The following ASIC4 variants were observed in gnomAD, a reference collection of about 807,000 sequenced individuals.
The protein encoded by ASIC4 is acid-sensing ion channel 4.
Under a neutral mutation model 53.4 loss-of-function variants are expected in ASIC4, and 28 were observed. That is an observed-to-expected ratio of 0.52 (90% CI 0.39 to 0.72). The LOEUF (loss-of-function observed/expected upper bound fraction) is 0.72, where lower values mean the gene tolerates loss of function less well. ASIC4 is among the 30% of genes least tolerant of loss of function. The probability of loss-of-function intolerance (pLI) is 0.00; values close to 1 mark genes in which losing one functional copy is unlikely to be tolerated. For missense variants in ASIC4, 649 were observed against 729.7 expected (o/e 0.89, Z 1.27); for synonymous variants, 289 against 301.4 (o/e 0.96, Z 0.43).
At position 219,522,493 on chromosome 2, in the gene ASIC4, G is replaced by A. The variant is rs569292329; in HGVS notation, c.582+7187G>A. Among the ~76,000 whole-genome samples, 311 of 152,208 alleles carry A rather than the reference G, an allele frequency of 2.0e-3. 2 individuals are homozygous for A. Among genetic ancestry groups the A allele is most frequent in the African/African-American group, 7.0e-3 (290 of 41,552 alleles). Reference sequence around the variant, plus strand: ...GTGGGGGCTCACGGGGGAAGGAAACGGGACGTTGGGGAGCCCCAGGTTCCC... The same window carrying A: ...GTGGGGGCTCACGGGGGAAGGAAACAGGACGTTGGGGAGCCCCAGGTTCCC... On this transcript the variant is annotated intron_variant, in intron 1 of 9. Transcript: ENST00000358078.
chr2:219,531,760 C>A lies in ASIC4; in HGVS notation c.585C>A (p.Val195=). 1.9e-6 allele frequency: 3 copies of A among 1,591,888 alleles called. No individual in the cohort carries two copies. Among genetic ancestry groups the A allele is most frequent in the Non-Finnish European group, 2.6e-6 (3 of 1,168,968 alleles). The change falls in exon 2 of 10, where the codon GTC becomes GTA. Residue 195 remains valine (V), a splice_region_variant and synonymous_variant. Coordinates refer to ENST00000358078, the MANE Select transcript of ASIC4 (RefSeq NM_018674.6). ...TGCTCTCTCACCCCACCTCCCAGGT[C>A]TATACTCGCTATGGGAAGTGTTACA... ...HHCSASNFSV[V]YTRYGKCYTF...
Position 219,537,913 on chromosome 2 carries a change from C to T in ASIC4, c.1507-20C>T, listed in dbSNP as rs770495528. On this transcript the variant is annotated intron_variant, in intron 9 of 9. Transcript: ENST00000358078. This position sits in a 1 kb window ranked among gnomAD's most constrained non-coding sequence, Gnocchi z 4.9. ...ACTTGAGCTCTCCCGGTCCCACTCTCTCTTTTCTTTCTCCTGCAGAGTCCC... is the reference window on the plus strand; with the variant it reads ...ACTTGAGCTCTCCCGGTCCCACTCTTTCTTTTCTTTCTCCTGCAGAGTCCC... 6.3e-7 allele frequency: 1 copy of T among 1,581,330 alleles called. No individual in the cohort carries two copies. The highest frequency in any genetic ancestry group is 1.2e-5 in the South Asian group (1 of 86,816).
chr2:219,514,974 C>T lies in ASIC4; in HGVS notation c.250C>T (p.Gln84Ter). The T allele has an allele frequency of 6.2e-7, 1 of 1,613,258 alleles. No homozygotes were observed. The highest frequency in any genetic ancestry group is 8.5e-7 in the Non-Finnish European group (1 of 1,179,858). ...LLTSLAAFLY[Q>*]AAGLARGYLT... ...CACCTCGCTGGCTGCCTTCCTGTAC[C>T]AGGCGGCTGGCCTGGCCCGGGGCTA... Residue 84 changes from glutamine to a stop codon, truncating the protein, a stop_gained, in exon 1 of 10, where the codon CAG (glutamine) becomes TAG (stop). Transcript: ENST00000358078. LOFTEE classifies it high-confidence loss of function.
chr2:219,530,411 G>C (rs1695024378), intron 1 of ASIC4, among the ~76,000 whole-genome samples: 2 of 152,290 alleles, frequency 1.3e-5, no homozygotes, highest in African/African-American at 4.8e-5. Flanking sequence ...CTGTGCGGCA[G>C]AGACTGCTCA....
rs552837783 is a variant in ASIC4 at position 219,534,881 on chromosome 2, G to A, written c.1076-290G>A. 1.2e-4 allele frequency among the ~76,000 whole-genome samples: 18 copies of A among 152,216 alleles called. No individual in the cohort carries two copies. The East Asian group carries it at 2.9e-3, about 25-fold the overall frequency. On this transcript the variant is annotated intron_variant, in intron 5 of 9. Transcript: ENST00000358078. The stretch of plus-strand genomic sequence containing the variant: ...GGCCTCACATAGTTGATTAGCTCTG[G>A]TGGATGGGCTGTGTTCTCCCTCTGG...
At chr2:219,510,603 C>A (rs999994440), upstream of ASIC4, among the ~76,000 whole-genome samples, 14 of 152,186 alleles carry the variant, frequency 9.2e-5, no homozygotes, top group Non-Finnish European at 1.9e-4. The surrounding 1 kb of genome is among the most constrained non-coding windows in gnomAD (Gnocchi z 5.2). Context: ...CCTCCTGATG[C>A]CCCCATCCCA....
At position 219,537,490 on chromosome 2, in the gene ASIC4, G is replaced by A. The variant is rs761328267; in HGVS notation, c.1402-142G>A. 1.9e-6 allele frequency: 2 copies of A among 1,031,928 alleles called. No homozygotes were observed. Among genetic ancestry groups the A allele is most frequent in the South Asian group, 3.1e-5 (2 of 65,054 alleles). The allele number at this position is 1,031,928 out of a possible 1,614,324, so 63.9% of individuals were successfully genotyped here. On this transcript the variant is annotated intron_variant, in intron 8 of 9. Coordinates refer to ENST00000358078, the MANE Select transcript of ASIC4 (RefSeq NM_018674.6). This position sits in a 1 kb window ranked among gnomAD's most constrained non-coding sequence, Gnocchi z 4.9. ...CTGAGGGCTCAGAGTCAGGAGAAGG[G>A]GATGGGTGAGGAGGAGGAGGGTGTC...
At chr2:219,527,628 T>G (rs888954665) in intron 1 of ASIC4, among the ~76,000 whole-genome samples, 3 of 152,326 alleles carry the variant, frequency 2.0e-5, no homozygotes, top group South Asian at 4.1e-4. Flanking sequence ...CAGTTCTGTT[T>G]GAATCTCGGC....
intron 1 of ASIC4, among the ~76,000 whole-genome samples, chr2:219,530,252 C>T (rs555330149): frequency 6.6e-6 from 1 of 152,372 alleles, no homozygotes; most frequent in South Asian, 2.1e-4. Context: ...ACCCGCCTCT[C>T]CCTCAGCCTG....
Position 219,514,665 on chromosome 2 carries a change from C to A in ASIC4, c.-60C>A. 6.2e-7 allele frequency: 1 copy of A among 1,613,142 alleles called. No homozygotes were observed. The highest frequency in any genetic ancestry group is 1.1e-5 in the South Asian group (1 of 90,988). ...ACTGCCACTCGGGAGGGCACCAGGG[C>A]TGCTGGCTAGGGAGGGACAGGGCAG... is the stretch of plus-strand genomic sequence containing the variant. On this transcript the variant is annotated 5_prime_UTR_variant, in exon 1 of 10. It adds an upstream start codon to the 5' untranslated region. Transcript: ENST00000358078.
At chr2:219,534,265 C>T (rs1695092003) in intron 5 of ASIC4, among the ~76,000 whole-genome samples, 1 of 152,258 alleles carries the variant, frequency 6.6e-6, no homozygotes, top group East Asian at 1.9e-4. Flanking sequence ...ACACCACCTG[C>T]ATCTGTCACA....
chr2:219,524,126 A>G (rs557741870), intron 1 of ASIC4, among the ~76,000 whole-genome samples: 1 of 152,292 alleles, frequency 6.6e-6, no homozygotes, highest in East Asian at 1.9e-4. Context: ...CCTAGCCCAT[A>G]AGTACTTTGA....
chr2:219,537,653 C>T lies in ASIC4; in HGVS notation c.1423C>T (p.Arg475Trp), dbSNP rs764623399. The change falls in exon 9 of 10, where the codon CGG becomes TGG. Residue 475 changes from arginine to tryptophan, a missense_variant. Transcript: ENST00000358078. This position sits in a 1 kb window ranked among gnomAD's most constrained non-coding sequence, Gnocchi z 4.9. The stretch of plus-strand genomic sequence containing the variant: ...CAAGGTGTCCTGGGATCGACTGAAG[C>T]GGGTATGGAGGCGTCCCAAGACCCC... The part of the protein sequence containing the change: ...IYEVSWDRLK[R>W]VWRRPKTPLR... 1.2e-5 allele frequency: 20 copies of T among 1,613,212 alleles called. No individual in the cohort carries two copies. The highest frequency in any genetic ancestry group is 2.2e-5 in the East Asian group (1 of 44,876).
chr2:219,532,695 T>A, intron 4 of ASIC4, 188 bp from the exon 5 acceptor site: 1 of 813,896 alleles, frequency 1.2e-6, no homozygotes, highest in Non-Finnish European at 1.9e-6. Context: ...TGTTAATATG[T>A]ATTTGTGTAC....
In ASIC4 at chr2:219,514,914, G is replaced by A. The variant is rs750592625; in HGVS notation, c.190G>A (p.Gly64Arg). The A allele has an allele frequency of 1.4e-5, 23 of 1,612,710 alleles. No homozygotes were observed. The highest frequency in any genetic ancestry group is 6.7e-5 in the East Asian group (3 of 44,822). The stretch of plus-strand genomic sequence containing the variant: ...CCGGGCCTGTGGCCCAGGCCCCCAC[G>A]GACTGCGCAGAACCCTGTGGGCACT... ...LGRACGPGPH[G>R]LRRTLWALAL... Residue 64 changes from glycine (G) to arginine (R), a missense_variant, in exon 1 of 10, where the codon GGA becomes AGA. Gly to Arg is a moderately radical substitution (Grantham distance 125). Transcript: ENST00000358078.
upstream of ASIC4, among the ~76,000 whole-genome samples, chr2:219,513,511 A>G (rs1204445455): frequency 1.3e-5 from 2 of 151,702 alleles, no homozygotes; most frequent in East Asian, 3.9e-4. Flanking sequence ...ATTCGCTCCC[A>G]TTGACGCCCA....
At chr2:219,533,534 G>A in intron 5 of ASIC4, 1 of 162,808 alleles carries the variant, frequency 6.1e-6, no homozygotes, top group South Asian at 1.8e-4. Context: ...AAGGCCCCAA[G>A]GAGGGGTGTG....
rs1257611085 is a variant in ASIC4, at chr2:219,535,243, AGATCTCCATGGTCAG to A, written c.1153_1167del (p.Ser385_Ile389del). On this transcript the variant is annotated inframe_deletion, in exon 6 of 10. Coordinates refer to ENST00000358078, the MANE Select transcript of ASIC4 (RefSeq NM_018674.6). ...TGCAACCTGACACGCTATGGGAAAG[AGATCTCCATGGTCAG>A]GATCCCCAACAGGGGCTCAGCCCGG... The A allele has an allele frequency of 6.2e-7, 1 of 1,614,018 alleles. No homozygotes were observed. Among genetic ancestry groups the A allele is most frequent in the Non-Finnish European group, 8.5e-7 (1 of 1,179,952 alleles).
chr2:219,512,999 C>G (rs1025290911), upstream of ASIC4, among the ~76,000 whole-genome samples: 1 of 152,210 alleles, frequency 6.6e-6, no homozygotes, highest in African/African-American at 2.4e-5. Context: ...CTAGGCCCCT[C>G]CCCTGGGGCC....
Sources: gnomAD v4.1 joint callset for allele counts (sites outside exome capture counted in the v4.1 genomes callset) on GRCh38, gnomAD v4.1.1 for gene constraint, Gnocchi (gnomAD v3.1) non-coding constraint, MANE v1.5 for transcripts, NCBI Gene and HGNC (gene_info 2026-07-23, HGNC 2026-07-21) for gene names.